The following LRIG2 variants were observed in gnomAD, a reference collection of about 807,000 sequenced individuals.
LRIG2 encodes leucine rich repeats and immunoglobulin like domains 2, also known as leucine-rich repeats and immunoglobulin-like domains protein 2.
In LRIG2, 93 loss-of-function variants were observed where a neutral mutation model predicts 107.8. That is an observed-to-expected ratio of 0.86 (90% confidence interval 0.73 to 1.03). The LOEUF (loss-of-function observed/expected upper bound fraction) is 1.03. Among genes scored for constraint, LRIG2 ranks in the 50% least tolerant of loss-of-function variants. The pLI, the probability that LRIG2 is intolerant of heterozygous loss-of-function variation, is 0.00. For synonymous variants in LRIG2, 471 were observed against 470.6 expected (o/e 1.00, Z -0.01); for missense variants, 1,226 against 1,296.0 (o/e 0.95, Z 0.83).
At chr1:113,094,828 G>A in intron 6 of LRIG2, 73 bp downstream of exon 6, 1 of 1,457,914 alleles carries the variant, frequency 6.9e-7, no homozygotes. Flanking sequence ...GAATGGCTAG[G>A]GTAGTTGTTC....
At chr1:113,094,947 C>A (rs1250576862) in intron 6 of LRIG2, among the ~76,000 whole-genome samples, 192 bp downstream of exon 6, 1 of 149,724 alleles carries the variant, frequency 6.7e-6, no homozygotes, top group African/African-American at 2.4e-5. Context: ...ATAATTCTTA[C>A]AAACTTCTCA....
At chr1:113,115,487 A>G (rs898200071) in intron 15 of LRIG2, among the ~76,000 whole-genome samples, 4 of 151,990 alleles carry the variant, frequency 2.6e-5, no homozygotes, top group Non-Finnish European at 5.9e-5. Context: ...CTGGGATTAC[A>G]GGCATGAGCC....
intron 1 of LRIG2, among the ~76,000 whole-genome samples, chr1:113,088,452 T>C (rs1653652246): frequency 1.3e-5 from 2 of 152,198 alleles, no homozygotes; most frequent in African/African-American, 4.8e-5. Context: ...ATTATTTTCT[T>C]TAAAAATGAT....
Position 113,110,500 on chromosome 1 carries a change from A to T in LRIG2, c.1736A>T (p.Gln579Leu). Residue 579 changes from glutamine (Q) to leucine (L), a missense_variant, in exon 13 of 18, where the codon CAG becomes CTG. Physicochemically the swap from Gln to Leu is moderately radical, Grantham distance 113. This residue lies in a region of LRIG2 where 642 missense variants were observed against 712.2 expected (regional missense o/e 0.90). Transcript: ENST00000361127. ...AATTTCACAGATGAAGGAAAATATC[A>T]GTGTATTGTTACTAATCACTTTGGT... ...NVNFTDEGKYQCIVTNHFGSN... is the reference protein window; with the variant it reads ...NVNFTDEGKYLCIVTNHFGSN... 1 of 1,613,460 alleles carries T rather than the reference A, an allele frequency of 6.2e-7. No homozygotes were observed.
intron 14 of LRIG2, among the ~76,000 whole-genome samples, chr1:113,113,632 G>T (rs766735395): frequency 6.6e-6 from 1 of 151,180 alleles, no homozygotes; most frequent in Non-Finnish European, 1.5e-5. Context: ...GCGCAATCTC[G>T]GCTCAGAGCA....
intron 11 of LRIG2, among the ~76,000 whole-genome samples, chr1:113,102,980 C>G (rs570996846): frequency 6.9e-6 from 1 of 144,498 alleles, no homozygotes; most frequent in Non-Finnish European, 1.5e-5. Flanking sequence ...TTGTGACTTA[C>G]TACAAATTAG....
intron 6 of LRIG2, 150 bp downstream of exon 6, chr1:113,094,905 A>T: frequency 1.5e-6 from 1 of 663,486 alleles, no homozygotes; most frequent in African/African-American, 1.8e-5. Flanking sequence ...TAAAACCTTT[A>T]AAGTTTTGTT....
At chr1:113,100,775 G>A (rs994300234) in intron 11 of LRIG2, 1 of 222,178 alleles carries the variant, frequency 4.5e-6, no homozygotes, top group Non-Finnish European at 9.0e-6. Context: ...ATACCCTACT[G>A]TTCCTTTTTG....
intron 15 of LRIG2, among the ~76,000 whole-genome samples, chr1:113,115,820 C>T (rs1011952048): frequency 3.3e-5 from 5 of 152,204 alleles, no homozygotes; most frequent in African/African-American, 1.2e-4. Flanking sequence ...GCCACCACGC[C>T]CGGCCAAACT....
At chr1:113,116,763 C>T (rs927907133) in intron 16 of LRIG2, among the ~76,000 whole-genome samples, 3 of 152,184 alleles carry the variant, frequency 2.0e-5, no homozygotes, top group African/African-American at 7.2e-5. Context: ...ATCCTTCAGA[C>T]CACATCCAAG....
At chr1:113,080,187 A>G (rs1557895732) in intron 1 of LRIG2, among the ~76,000 whole-genome samples, 1 of 147,840 alleles carries the variant, frequency 6.8e-6, no homozygotes, top group Admixed American at 6.8e-5. Context: ...CACCCAGCTA[A>G]TTTTTGTATT....
chr1:113,077,951 G>T (rs1249447148), intron 1 of LRIG2, among the ~76,000 whole-genome samples: 2 of 136,592 alleles, frequency 1.5e-5, no homozygotes, highest in Admixed American at 8.7e-5. Context: ...TGTTCTCATT[G>T]TTCATTTCCC....
At chr1:113,108,801 G>A (rs190432498) in intron 12 of LRIG2, among the ~76,000 whole-genome samples, 1,570 of 152,126 alleles carry the variant, frequency 0.01, 9 homozygotes, top group Non-Finnish European at 0.016. Context: ...CGCTTGAACC[G>A]AGAGTTGGAG....
chr1:113,124,260 T>A lies in LRIG2; in HGVS notation c.*159T>A. ...GTGGGCCATGCGTTGTTTGGTCTTA[T>A]ACCTGATGAAGAAATGGCAACAGCT... On this transcript the variant is annotated 3_prime_UTR_variant, in exon 18 of 18. Coordinates refer to ENST00000361127, the MANE Select transcript of LRIG2 (RefSeq NM_014813.3). 3.1e-6 allele frequency: 2 copies of A among 639,160 alleles called. No homozygotes were observed. The highest frequency in any genetic ancestry group is 2.9e-5 in the Admixed American group (1 of 35,050). 39.6% of individuals were successfully genotyped at this position (639,160 alleles called of 1,614,324 possible).
intron 1 of LRIG2, among the ~76,000 whole-genome samples, chr1:113,083,825 G>A (rs1653398830): frequency 7.6e-6 from 1 of 131,636 alleles, no homozygotes; most frequent in Admixed American, 8.7e-5. Context: ...GACACAGGGT[G>A]GGGAACATCA....
chr1:113,090,819 CAG>C (rs1653778679), intron 1 of LRIG2, among the ~76,000 whole-genome samples: 1 of 149,922 alleles, frequency 6.7e-6, no homozygotes, highest in African/African-American at 2.4e-5. Context: ...GCCTGGGCGA[CAG>C]AGCGAGACTC....
In LRIG2 at chr1:113,078,706, T is replaced by A. The variant is rs533644196; in HGVS notation, c.239+5061T>A. Among the ~76,000 whole-genome samples the A allele has an allele frequency of 2.6e-5, 4 of 151,358 alleles. No homozygotes were observed. The East Asian group carries it at 7.8e-4, about 30-fold the overall frequency. ...CTTAGGCTGGAGTGCAATGGTCCAG[T>A]CTCAGCTCACTGCAACCTCCACTTC... On this transcript the variant is annotated intron_variant, in intron 1 of 17. Coordinates refer to ENST00000361127, the MANE Select transcript of LRIG2 (RefSeq NM_014813.3).
At position 113,112,619 on chromosome 1, in the gene LRIG2, C is replaced by T. The variant is rs373970504; in HGVS notation, c.1939C>T (p.Arg647Ter). The change falls in exon 14 of 18, where the codon CGA (arginine) becomes TGA (stop). Residue 647 changes from arginine (R) to a stop codon, truncating the protein, a stop_gained. Transcript: ENST00000361127. LOFTEE classifies it high-confidence loss of function. ...TGGTGGTACTGACTTTCCTGCGGCTCGAGAAAGACGCATGCACGTCATGCC... is the reference window on the plus strand; with the variant it reads ...TGGTGGTACTGACTTTCCTGCGGCTTGAGAAAGACGCATGCACGTCATGCC... ...KDGGTDFPAA[R>*]ERRMHVMPED... is the part of the protein sequence containing the mutation. 2 of 1,614,042 alleles carry T rather than the reference C, an allele frequency of 1.2e-6. No individual in the cohort carries two copies. Among genetic ancestry groups the T allele is most frequent in the Non-Finnish European group, 8.5e-7 (1 of 1,180,014 alleles).
intron 14 of LRIG2, among the ~76,000 whole-genome samples, 166 bp from the exon 15 acceptor site, chr1:113,114,261 T>G (rs538583114): frequency 2.4e-4 from 37 of 152,308 alleles, no homozygotes; most frequent in African/African-American, 8.9e-4. Flanking sequence ...CGAGAAAAGA[T>G]TGAGGCTTTT....
Sources: gnomAD v4.1 joint callset for allele counts (sites outside exome capture counted in the v4.1 genomes callset) on GRCh38, gnomAD v4.1.1 for gene constraint, gnomAD v4.1.1 regional missense constraint, MANE v1.5 for transcripts, NCBI Gene and HGNC (gene_info 2026-07-23, HGNC 2026-07-21) for gene names.